TNFRSF8: variants seen among roughly 807,000 people sequenced by gnomAD.
The protein encoded by TNFRSF8 is tumor necrosis factor receptor superfamily member 8.
Under a neutral mutation model 70.8 loss-of-function variants are expected in TNFRSF8, and 26 were observed. That is an observed-to-expected ratio of 0.37 (90% CI 0.27 to 0.51). The LOEUF (loss-of-function observed/expected upper bound fraction) is 0.51, where lower values mean the gene tolerates loss of function less well. Among genes scored for constraint, TNFRSF8 ranks in the 20% least tolerant of loss-of-function variants. The pLI, the probability that TNFRSF8 is intolerant of heterozygous loss-of-function variation, is 0.94. For synonymous variants in TNFRSF8, 356 were observed against 339.2 expected, an observed-to-expected ratio of 1.05 and a Z score of -0.54; for missense variants, 720 against 807.9, an observed-to-expected ratio of 0.89 and a Z score of 1.32.
chr1:12,087,663 G>A (rs1016985525), intron 2 of TNFRSF8, among the ~76,000 whole-genome samples: 3 of 152,198 alleles, frequency 2.0e-5, no homozygotes, highest in Non-Finnish European at 4.4e-5. Flanking sequence ...GGCCCACAGT[G>A]TTCTATGACT....
intron 4 of TNFRSF8, among the ~76,000 whole-genome samples, chr1:12,106,647 G>A (rs1337169733): frequency 2.6e-5 from 4 of 152,162 alleles, no homozygotes; most frequent in Non-Finnish European, 4.4e-5. Context: ...TGGTGGGGGG[G>A]TGGAGTTCAA....
chr1:12,063,617 G>T lies in TNFRSF8; in HGVS notation c.19G>T (p.Ala7Ser). MRVLLA[A>S]LGLLFLGALR... is the part of the protein sequence containing the mutation. ...CCCGGGGATGCGCGTCCTCCTCGCC[G>T]CGCTGGGACTGCTGTTCCTGGGGGC... Residue 7 changes from alanine (A) to serine (S), a missense_variant, in exon 1 of 15, where the codon GCG becomes TCG. By Grantham distance (99) the Ala-to-Ser change is moderately conservative. Coordinates refer to ENST00000263932, the MANE Select transcript of TNFRSF8 (RefSeq NM_001243.5). This position sits in a 1 kb window ranked among gnomAD's most constrained non-coding sequence, Gnocchi z 7.2. The T allele has an allele frequency of 1.5e-6, 2 of 1,301,364 alleles. No individual in the cohort carries two copies. Among genetic ancestry groups the T allele is most frequent in the Non-Finnish European group, 2.0e-6 (2 of 1,015,802 alleles). 80.6% of individuals were successfully genotyped at this position (1,301,364 alleles called of 1,614,324 possible).
At chr1:12,111,732 T>G (rs1260809211) in intron 6 of TNFRSF8, among the ~76,000 whole-genome samples, 166 bp from the exon 7 acceptor site, 1 of 152,100 alleles carries the variant, frequency 6.6e-6, no homozygotes, top group Non-Finnish European at 1.5e-5. Context: ...CACGCAGCAT[T>G]CCTGTCCTCT....
At chr1:12,098,408 C>A (rs1157023488) in intron 3 of TNFRSF8, among the ~76,000 whole-genome samples, 3 of 152,098 alleles carry the variant, frequency 2.0e-5, no homozygotes, top group Non-Finnish European at 4.4e-5. Context: ...TTGCCCTCCC[C>A]AGCCCTCCAT....
intron 1 of TNFRSF8, among the ~76,000 whole-genome samples, chr1:12,079,608 C>T (rs1385227203): frequency 2.0e-5 from 3 of 152,300 alleles, no homozygotes; most frequent in East Asian, 3.9e-4. Flanking sequence ...AGGTGAAGGG[C>T]CTGTGTAAGG....
chr1:12,118,041 T>C (rs542743162), intron 8 of TNFRSF8, among the ~76,000 whole-genome samples: 5 of 152,224 alleles, frequency 3.3e-5, no homozygotes, highest in Non-Finnish European at 7.3e-5. Context: ...TTCCTTATGA[T>C]GGCTGAGTAG....
intron 1 of TNFRSF8, among the ~76,000 whole-genome samples, chr1:12,070,828 G>A (rs1557572035): frequency 6.6e-6 from 1 of 152,196 alleles, no homozygotes; most frequent in African/African-American, 2.4e-5. Context: ...CCATGCTCAA[G>A]TACCAGTGGG....
chr1:12,130,154 C>T (rs948173127), intron 12 of TNFRSF8, among the ~76,000 whole-genome samples: 5 of 152,192 alleles, frequency 3.3e-5, no homozygotes, highest in African/African-American at 4.8e-5. Flanking sequence ...GTGGTCCTCC[C>T]GCCTCGGCCT....
chr1:12,093,341 T>C lies in TNFRSF8; in HGVS notation c.152-3760T>C, dbSNP rs374738273. On this transcript the variant is annotated intron_variant, in intron 2 of 14. Coordinates refer to ENST00000263932, the MANE Select transcript of TNFRSF8 (RefSeq NM_001243.5). ...AAGATCAAGATACCCAGACTGGCTGTAGTAGAGAGTGCATGAAGTGAGCAA... is the reference window on the plus strand; with the variant it reads ...AAGATCAAGATACCCAGACTGGCTGCAGTAGAGAGTGCATGAAGTGAGCAA... 1.6e-4 allele frequency among the ~76,000 whole-genome samples: 25 copies of C among 152,204 alleles called. 2 individuals are homozygous for C. The South Asian group carries it at 3.3e-3, about 20-fold the overall frequency.
chr1:12,132,406 C>T (rs998136884), intron 12 of TNFRSF8, among the ~76,000 whole-genome samples: 3 of 152,230 alleles, frequency 2.0e-5, no homozygotes, highest in Admixed American at 6.5e-5. Flanking sequence ...TCCCTGATGG[C>T]CTTGGCAGTT....
intron 8 of TNFRSF8, among the ~76,000 whole-genome samples, chr1:12,116,581 A>C (rs909124214): frequency 2.0e-5 from 3 of 152,056 alleles, no homozygotes; most frequent in Non-Finnish European, 2.9e-5. Flanking sequence ...CAGGTGGATC[A>C]CTTGAGGTCA....
At chr1:12,127,632 T>G (rs575080830) in intron 12 of TNFRSF8, among the ~76,000 whole-genome samples, 1 of 152,354 alleles carries the variant, frequency 6.6e-6, no homozygotes, top group African/African-American at 2.4e-5. Context: ...ATGTTTTGAA[T>G]TTGACGAGTT....
At position 12,118,904 on chromosome 1, in the gene TNFRSF8, G is replaced by T. The variant is rs529285477; in HGVS notation, c.946+3175G>T. On this transcript the variant is annotated intron_variant, in intron 8 of 14. Transcript: ENST00000263932. ...TTTTGAGACAGAGTCTCACTCTGTC[G>T]CCCAGGCTGGAGTGCAGTGACGCGA... 3.3e-5 allele frequency among the ~76,000 whole-genome samples: 5 copies of T among 152,048 alleles called. No homozygotes were observed. The East Asian group carries it at 9.7e-4, about 29-fold the overall frequency.
chr1:12,105,917 T>C (rs1343568187), intron 4 of TNFRSF8, among the ~76,000 whole-genome samples: 1 of 132,834 alleles, frequency 7.5e-6, no homozygotes, highest in Non-Finnish European at 1.5e-5. Flanking sequence ...CCAGCCTGGG[T>C]GACAAGAGCA....
intron 1 of TNFRSF8, among the ~76,000 whole-genome samples, chr1:12,078,974 G>C (rs918138816): frequency 1.3e-5 from 2 of 152,262 alleles, no homozygotes; most frequent in South Asian, 2.1e-4. Flanking sequence ...CTGCTGGCCC[G>C]GGGCCTCACC....
chr1:12,109,906 G>A lies in TNFRSF8; in HGVS notation c.513-135G>A. On this transcript the variant is annotated intron_variant, in intron 5 of 14. Coordinates refer to ENST00000263932, the MANE Select transcript of TNFRSF8 (RefSeq NM_001243.5). This position sits in a 1 kb window ranked among gnomAD's most constrained non-coding sequence, Gnocchi z 4.4. ...GAAAACACAGGCCTTGCTCCCAGGAGCTTACAGTGGGCCCGCCAGAGGCAG... is the reference window on the plus strand; with the variant it reads ...GAAAACACAGGCCTTGCTCCCAGGAACTTACAGTGGGCCCGCCAGAGGCAG... 8.7e-7 allele frequency: 1 copy of A among 1,146,614 alleles called. No homozygotes were observed. The highest frequency in any genetic ancestry group is 1.5e-5 in the South Asian group (1 of 66,796). 71.0% of individuals were successfully genotyped at this position (1,146,614 alleles called of 1,614,324 possible). A position where few individuals can be genotyped will look rare whatever the true frequency, so the allele number is the denominator to read the frequency against.
chr1:12,137,697 A>G (rs1286486572), intron 13 of TNFRSF8, among the ~76,000 whole-genome samples: 1 of 152,068 alleles, frequency 6.6e-6, no homozygotes, highest in Non-Finnish European at 1.5e-5. Flanking sequence ...GAGTGTGATC[A>G]TAAAAGACTA....
rs1452369269 is a variant in TNFRSF8, at chr1:12,138,097, A to G, written c.1336-132A>G. ...AAAGCTGAGAAGCCCGGGGCAGCTC[A>G]TGGCAGCTTTTAAAGCAGAAAGGGG... On this transcript the variant is annotated intron_variant, in intron 13 of 14. Transcript: ENST00000263932. The surrounding 1 kb of genome is among the most constrained non-coding windows in gnomAD (Gnocchi z 5.7). 11 of 888,230 alleles carry G rather than the reference A, an allele frequency of 1.2e-5. No individual in the cohort carries two copies. The highest frequency in any genetic ancestry group is 1.9e-5 in the Non-Finnish European group (11 of 593,218). The allele number at this position is 888,230 out of a possible 1,614,324, so 55.0% of individuals were successfully genotyped here.
In TNFRSF8 at chr1:12,110,193, G is replaced by A. The variant is rs1007074291; in HGVS notation, c.665G>A (p.Ser222Asn). 2 of 1,590,972 alleles carry A rather than the reference G, an allele frequency of 1.3e-6. No homozygotes were observed. Among genetic ancestry groups the A allele is most frequent in the Admixed American group, 3.5e-5 (2 of 57,392 alleles). The change falls in exon 6 of 15, where the codon AGT (serine) becomes AAT (asparagine). Residue 222 changes from serine (S) to asparagine (N), a missense_variant. Ser to Asn is a conservative substitution (Grantham distance 46). Coordinates refer to ENST00000263932, the MANE Select transcript of TNFRSF8 (RefSeq NM_001243.5). The surrounding 1 kb of genome is among the most constrained non-coding windows in gnomAD (Gnocchi z 4.0). ...PDSPSSVGRP[S>N]SDPGLSPTQP... ...TCTCCCTCCTCTGTGGGAAGGCCTA[G>A]TTCAGATCCAGGTAATTTCCCCATG... is the stretch of plus-strand genomic sequence containing the variant.
Sources: gnomAD v4.1 joint callset for allele counts (sites outside exome capture counted in the v4.1 genomes callset) on GRCh38, gnomAD v4.1.1 for gene constraint, Gnocchi (gnomAD v3.1) non-coding constraint, MANE v1.5 for transcripts, NCBI Gene and HGNC (gene_info 2026-07-23, HGNC 2026-07-21) for gene names.